KCNH5: variants seen among roughly 807,000 people sequenced by gnomAD.
KCNH5 encodes potassium voltage-gated channel subfamily H member 5.
A neutral mutation model predicts 96.1 loss-of-function variants in KCNH5; 46 were observed. That is an observed-to-expected ratio of 0.48 (90% CI 0.38 to 0.61). The LOEUF is 0.61. KCNH5 is among the 20% of genes least tolerant of loss of function. The pLI, the probability that KCNH5 is intolerant of heterozygous loss-of-function variation, is 0.00. For missense variants in KCNH5, 907 were observed against 1,225.8 expected (o/e 0.74, Z 3.88); for synonymous variants, 439 against 449.8 (o/e 0.98, Z 0.30).
chr14:62,735,946 A>T (rs1885146951), intron 10 of KCNH5, among the ~76,000 whole-genome samples: 1 of 152,212 alleles, frequency 6.6e-6, no homozygotes, highest in Non-Finnish European at 1.5e-5. Flanking sequence ...AACTCAAAAG[A>T]TTGCCAACAA....
intron 7 of KCNH5, among the ~76,000 whole-genome samples, chr14:62,897,204 C>T (rs1422551172): frequency 1.3e-5 from 2 of 151,898 alleles, no homozygotes; most frequent in African/African-American, 4.8e-5. Flanking sequence ...TGACTAAAGA[C>T]AATGCATGAG....
intron 8 of KCNH5, among the ~76,000 whole-genome samples, chr14:62,834,665 G>A (rs1008222078): frequency 6.6e-6 from 1 of 152,006 alleles, no homozygotes; most frequent in Admixed American, 6.6e-5. Context: ...AACTCTGAAG[G>A]CCAAATTGGA....
intron 6 of KCNH5, among the ~76,000 whole-genome samples, chr14:62,970,465 G>C (rs1197830611): frequency 1.3e-5 from 2 of 152,146 alleles, no homozygotes; most frequent in Non-Finnish European, 2.9e-5. Context: ...GAGGCAGAAA[G>C]AATACTTTCT....
intron 1 of KCNH5, among the ~76,000 whole-genome samples, chr14:63,036,287 C>T (rs968425495): frequency 1.3e-5 from 2 of 152,138 alleles, no homozygotes; most frequent in Non-Finnish European, 2.9e-5. Flanking sequence ...TATGAACATG[C>T]TTCATGTCTT....
At chr14:62,917,932 G>A (rs902757392) in intron 7 of KCNH5, among the ~76,000 whole-genome samples, 2 of 152,136 alleles carry the variant, frequency 1.3e-5, no homozygotes, top group African/African-American at 2.4e-5. Flanking sequence ...ATCAAAAGAG[G>A]GAAATGCTGT....
Position 62,959,382 on chromosome 14 carries a change from C to A in KCNH5, c.943-8823G>T, listed in dbSNP as rs1182618363. On this transcript the variant is annotated intron_variant, in intron 6 of 10. Coordinates refer to ENST00000322893, the MANE Select transcript of KCNH5 (RefSeq NM_139318.5). ...TTTTTAATTCAACAAAACTATCACC[C>A]ATTATCACACCTGATAAAACCTAAC... Among the ~76,000 whole-genome samples, 3 of 152,128 alleles carry A rather than the reference C, an allele frequency of 2.0e-5. No homozygotes were observed. The East Asian group carries it at 5.8e-4, about 29-fold the overall frequency.
intron 10 of KCNH5, among the ~76,000 whole-genome samples, chr14:62,714,249 A>G (rs1364719882): frequency 6.6e-6 from 1 of 152,168 alleles, no homozygotes; most frequent in Non-Finnish European, 1.5e-5. Context: ...AGATCATGCC[A>G]TTGCATGTCA....
chr14:62,836,750 T>A (rs1887473722), intron 8 of KCNH5, among the ~76,000 whole-genome samples: 1 of 152,154 alleles, frequency 6.6e-6, no homozygotes, highest in African/African-American at 2.4e-5. Context: ...TATGCAATTA[T>A]TTTTATCTGT....
chr14:63,006,330 G>A, intron 3 of KCNH5, 36 bp downstream of exon 3: 1 of 1,246,184 alleles, frequency 8.0e-7, no homozygotes, highest in Non-Finnish European at 1.2e-6. Context: ...TATTAATAAA[G>A]AGTTGGCACA....
chr14:62,986,490 C>G (rs1890711362), intron 5 of KCNH5, among the ~76,000 whole-genome samples: 1 of 152,112 alleles, frequency 6.6e-6, no homozygotes, highest in Non-Finnish European at 1.5e-5. Flanking sequence ...TACATGCTGG[C>G]CTCCCTGGTA....
At chr14:63,028,383 T>C (rs527420115) in intron 1 of KCNH5, among the ~76,000 whole-genome samples, 1 of 152,228 alleles carries the variant, frequency 6.6e-6, no homozygotes, top group African/African-American at 2.4e-5. Context: ...AGTGGACTCC[T>C]ACTCTATGCT....
At chr14:62,982,787 G>C (rs1890634594) in intron 5 of KCNH5, among the ~76,000 whole-genome samples, 1 of 152,060 alleles carries the variant, frequency 6.6e-6, no homozygotes, top group Non-Finnish European at 1.5e-5. Flanking sequence ...TTGTATGTTA[G>C]AATTGTTATT....
intron 8 of KCNH5, among the ~76,000 whole-genome samples, chr14:62,824,726 T>C (rs1263614127): frequency 6.6e-6 from 1 of 152,098 alleles, no homozygotes; most frequent in East Asian, 1.9e-4. Context: ...ACCCAGGTAC[T>C]GAGCACACTA....
At chr14:62,962,118 A>G (rs1024897194) in intron 6 of KCNH5, among the ~76,000 whole-genome samples, 1 of 151,878 alleles carries the variant, frequency 6.6e-6, no homozygotes, top group African/African-American at 2.4e-5. Context: ...ATACAGGGAC[A>G]GGGATGGAGA....
chr14:62,823,039 G>C (rs906860443), intron 8 of KCNH5, among the ~76,000 whole-genome samples: 1 of 151,878 alleles, frequency 6.6e-6, no homozygotes, highest in African/African-American at 2.4e-5. Flanking sequence ...GTAGAATCCT[G>C]GTCTAATTCA....
At chr14:62,744,346 A>G (rs1885332332) in intron 10 of KCNH5, among the ~76,000 whole-genome samples, 1 of 152,194 alleles carries the variant, frequency 6.6e-6, no homozygotes, top group African/African-American at 2.4e-5. Flanking sequence ...GACATGTAAG[A>G]TACTGCATTT....
At chr14:62,809,975 A>T (rs1021100515) in intron 8 of KCNH5, among the ~76,000 whole-genome samples, 18 of 152,116 alleles carry the variant, frequency 1.2e-4, no homozygotes, top group Non-Finnish European at 2.9e-5. Context: ...ACAATCAGCT[A>T]ACAAGCCCAT....
At chr14:62,887,735 G>A (rs2140082240) in intron 7 of KCNH5, among the ~76,000 whole-genome samples, 1 of 152,056 alleles carries the variant, frequency 6.6e-6, no homozygotes, top group Admixed American at 6.6e-5. Context: ...GTGCCAGACT[G>A]TCTGCTTTGC....
At chr14:62,849,233 T>C (rs868836780) in intron 8 of KCNH5, among the ~76,000 whole-genome samples, 1 of 152,132 alleles carries the variant, frequency 6.6e-6, no homozygotes, top group Non-Finnish European at 1.5e-5. Flanking sequence ...AGAAGACACA[T>C]ACATTTTAAA....
Sources: allele counts gnomAD v4.1 joint callset (sites outside exome capture counted in the v4.1 genomes callset), GRCh38; gene constraint gnomAD v4.1.1; transcripts MANE v1.5; gene names NCBI Gene and HGNC (gene_info 2026-07-23, HGNC 2026-07-21).